Variants in JAKMIP3 observed in about 807,000 individuals in gnomAD.
JAKMIP3 encodes the protein Janus kinase and microtubule interacting protein 3, also known as janus kinase and microtubule-interacting protein 3.
Under a neutral mutation model 118.5 loss-of-function variants are expected in JAKMIP3, and 58 were observed. The observed-to-expected ratio is 0.49, with a 90% confidence interval of 0.40 to 0.61. The LOEUF (loss-of-function observed/expected upper bound fraction) is 0.61, where lower values mean the gene tolerates loss of function less well. Ranked by LOEUF, JAKMIP3 falls within the 20% of genes least tolerant of loss-of-function variation. The pLI is 0.00. For synonymous variants in JAKMIP3, 486 were observed against 451.2 expected (o/e 1.08, Z -0.98); for missense variants, 950 against 1,109.0 (o/e 0.86, Z 2.04).
Position 132,153,820 on chromosome 10 carries a change from G to A in JAKMIP3, c.2135G>A (p.Ser712Asn), listed in dbSNP as rs150051450. 1.5e-5 allele frequency: 25 copies of A among 1,613,068 alleles called. No individual in the cohort carries two copies. In the African/African-American group the frequency reaches 2.1e-4, roughly 14 times the overall value. Residue 712 changes from serine (S) to asparagine (N), a missense_variant, in exon 18 of 24, where the codon AGC becomes AAC. Transcript: ENST00000684848. ...ALQRKMVDLE[S>N]EKELFSKQKG... ...CAGCGGAAGATGGTGGATCTGGAGA[G>A]CGAGAAGGTTGGTGGCACCTTCACC...
chr10:132,118,397 T>C lies in JAKMIP3; in HGVS notation c.633+823T>C, dbSNP rs2048052385. Among the ~76,000 whole-genome samples the C allele has an allele frequency of 6.6e-6, 1 of 152,198 alleles. No individual in the cohort carries two copies. Among genetic ancestry groups the C allele is most frequent in the Non-Finnish European group, 1.5e-5 (1 of 68,028 alleles). On this transcript the variant is annotated intron_variant, in intron 3 of 23. Transcript: ENST00000684848. The surrounding 1 kb of genome is among the most constrained non-coding windows in gnomAD (Gnocchi z 4.8). ...ATTTTGGGGGAAATGGAGCTCTGTC[T>C]TAGAGGTGCGTGCCCCAGCCCTGTG...
At chr10:132,114,278 C>CACAGCTCACTGCAGT (rs2047301574) in intron 2 of JAKMIP3, among the ~76,000 whole-genome samples, 1 of 152,222 alleles carries the variant, frequency 6.6e-6, no homozygotes, top group Non-Finnish European at 1.5e-5. Flanking sequence ...TGCAGTGGTG[C>CACAGCTCACTGCAGT]GATCACAGCT....
intron 1 of JAKMIP3, among the ~76,000 whole-genome samples, chr10:132,056,327 C>T (rs1164049951): frequency 6.6e-6 from 1 of 152,192 alleles, no homozygotes; most frequent in Non-Finnish European, 1.5e-5. Context: ...CTGTTGTCCA[C>T]GTTGAATTGG....
intron 1 of JAKMIP3, among the ~76,000 whole-genome samples, chr10:132,045,363 G>T (rs114710742): frequency 6.6e-6 from 1 of 151,996 alleles, no homozygotes; most frequent in Non-Finnish European, 1.5e-5. Flanking sequence ...CTGTCTCCCC[G>T]GCAGATTTTA....
intron 19 of JAKMIP3, among the ~76,000 whole-genome samples, chr10:132,159,666 G>GGGGGGTCCTCTCCCTATGTGATGCTC (rs2057717936): frequency 1.0e-5 from 1 of 97,502 alleles, no homozygotes; most frequent in Non-Finnish European, 2.2e-5. Flanking sequence ...GTGTGATGCT[G>GGGGGGTCCTCTCCCTATGTGATGCTC]GGGGGTCCTC....
chr10:132,116,867 C>T (rs1411690097), intron 2 of JAKMIP3, among the ~76,000 whole-genome samples: 1 of 141,328 alleles, frequency 7.1e-6, no homozygotes, highest in East Asian at 2.1e-4. Context: ...ACGCTCCCCC[C>T]GAATACACAT....
intron 9 of JAKMIP3, among the ~76,000 whole-genome samples, chr10:132,139,183 TGTATGTGTGTGTATGA>T (rs2052614805): frequency 2.9e-5 from 2 of 67,932 alleles, no homozygotes; most frequent in Non-Finnish European, 4.8e-5. Flanking sequence ...TATGTGTCTG[TGTATGTGTGTGTATGA>T]GTGTGTGTGT....
chr10:132,118,409 G>T lies in JAKMIP3; in HGVS notation c.633+835G>T, dbSNP rs879895570. Among the ~76,000 whole-genome samples the T allele has an allele frequency of 3.9e-5, 6 of 152,190 alleles. No individual in the cohort carries two copies. The highest frequency in any genetic ancestry group is 8.8e-5 in the Non-Finnish European group (6 of 68,032). ...ATGGAGCTCTGTCTTAGAGGTGCGT[G>T]CCCCAGCCCTGTGCCTCTTCAGGAC... On this transcript the variant is annotated intron_variant, in intron 3 of 23. Transcript: ENST00000684848. This position sits in a 1 kb window ranked among gnomAD's most constrained non-coding sequence, Gnocchi z 4.8.
intron 19 of JAKMIP3, among the ~76,000 whole-genome samples, chr10:132,157,821 G>T (rs2057276902): frequency 6.6e-6 from 1 of 152,124 alleles, no homozygotes; most frequent in East Asian, 1.9e-4. Flanking sequence ...ATGGGACATG[G>T]CAAATATTTC....
chr10:132,101,036 A>C (rs542121552), intron 1 of JAKMIP3, among the ~76,000 whole-genome samples: 1 of 151,972 alleles, frequency 6.6e-6, no homozygotes, highest in Non-Finnish European at 1.5e-5. Context: ...AAAAATATCA[A>C]CTCTGCCTCT....
chr10:132,079,303 C>T (rs2041403931), intron 1 of JAKMIP3, among the ~76,000 whole-genome samples: 1 of 152,170 alleles, frequency 6.6e-6, no homozygotes, highest in African/African-American at 2.4e-5. Context: ...TGCTGTTTTC[C>T]CTGAAGTCTG....
intron 14 of JAKMIP3, among the ~76,000 whole-genome samples, chr10:132,149,127 T>C (rs1467125666): frequency 1.3e-5 from 2 of 152,056 alleles, no homozygotes; most frequent in Non-Finnish European, 2.9e-5. Context: ...CTGAGGGATG[T>C]GCCCGTGGGC....
At chr10:132,181,013 AGTGT>A (rs200096091) in intron 23 of JAKMIP3, among the ~76,000 whole-genome samples, 4,526 of 152,020 alleles carry the variant, frequency 0.03, 234 homozygotes, top group African/African-American at 0.1. Flanking sequence ...ATGCATGTGC[AGTGT>A]GTATGTGCTG....
intron 1 of JAKMIP3, among the ~76,000 whole-genome samples, chr10:132,080,532 TTTTTTTTAA>T (rs2041613538): frequency 1.0e-5 from 1 of 95,818 alleles, no homozygotes; most frequent in African/African-American, 4.3e-5. Context: ...TTTTTTTTTT[TTTTTTTTAA>T]GATGGAGTCT....
chr10:132,158,548 A>C (rs2057362430), intron 19 of JAKMIP3, among the ~76,000 whole-genome samples: 1 of 152,204 alleles, frequency 6.6e-6, no homozygotes, highest in Non-Finnish European at 1.5e-5. Context: ...GGGGAGGCAC[A>C]TGGTTGCTGG....
At chr10:132,178,007 C>T (rs1306027097) in intron 23 of JAKMIP3, among the ~76,000 whole-genome samples, 1 of 152,208 alleles carries the variant, frequency 6.6e-6, no homozygotes, top group Non-Finnish European at 1.5e-5. Context: ...TGTGTCTGTG[C>T]ACACTGTGCA....
At chr10:132,100,177 C>CCCCCCACACGGAA (rs1564895732) in intron 1 of JAKMIP3, among the ~76,000 whole-genome samples, 1 of 151,656 alleles carries the variant, frequency 6.6e-6, no homozygotes, top group Non-Finnish European at 1.5e-5. Context: ...CCCACACGGA[C>CCCCCCACACGGAA]CCCCCGCACA....
intron 23 of JAKMIP3, among the ~76,000 whole-genome samples, chr10:132,170,656 A>G (rs1270325881): frequency 1.3e-5 from 2 of 152,090 alleles, no homozygotes; most frequent in Non-Finnish European, 2.9e-5. Flanking sequence ...GCGTGTGTCC[A>G]TGGGGGCGGT....
At chr10:132,102,507 G>T (rs900147612) in intron 1 of JAKMIP3, among the ~76,000 whole-genome samples, 1 of 152,156 alleles carries the variant, frequency 6.6e-6, no homozygotes, top group Non-Finnish European at 1.5e-5. Context: ...CCACCCTGCC[G>T]GGCCCTTCTC....
Sources: allele counts gnomAD v4.1 joint callset (sites outside exome capture counted in the v4.1 genomes callset), GRCh38; gene constraint gnomAD v4.1.1; non-coding constraint Gnocchi (gnomAD v3.1); transcripts MANE v1.5; gene names NCBI Gene and HGNC (gene_info 2026-07-23, HGNC 2026-07-21).